TTC5: variants seen among roughly 807,000 people sequenced by gnomAD.
The protein encoded by TTC5 is tetratricopeptide repeat domain 5, also known as tetratricopeptide repeat protein 5.
In TTC5, 46 loss-of-function variants were observed where a neutral mutation model predicts 57.4. The ratio of observed to expected loss-of-function variants is 0.80; its 90% CI spans 0.63 to 1.03. The LOEUF (loss-of-function observed/expected upper bound fraction) is 1.03, where lower values mean the gene tolerates loss of function less well. TTC5 is among the 50% of genes least tolerant of loss of function. The pLI is 0.00. For missense variants in TTC5, 504 were observed against 528.1 expected (o/e 0.95, Z 0.45); for synonymous variants, 190 against 203.5 (o/e 0.93, Z 0.57).
intron 9 of TTC5, among the ~76,000 whole-genome samples, chr14:20,290,316 T>TATTAAATAG (rs1881928119): frequency 6.6e-6 from 1 of 152,198 alleles, no homozygotes; most frequent in Non-Finnish European, 1.5e-5. Flanking sequence ...TTGTAAAACA[T>TATTAAATAG]ATTAAATAGT....
chr14:20,295,198 C>T (rs1882033902), intron 8 of TTC5, 114 bp downstream of exon 8: 1 of 924,264 alleles, frequency 1.1e-6, no homozygotes, highest in East Asian at 2.6e-5. Flanking sequence ...AGAAGGAAAT[C>T]AGAAGTCACA....
At position 20,301,733 on chromosome 14, in the gene TTC5, A is replaced by C; in HGVS notation, c.184+100T>G. The stretch of plus-strand genomic sequence containing the variant: ...GTAGTATTACGTTGTACTACCCTAT[A>C]GCAGTAACAGATAGGATACCAAAGA... On this transcript the variant is annotated intron_variant, in intron 2 of 9. Coordinates refer to ENST00000258821, the MANE Select transcript of TTC5 (RefSeq NM_138376.3). 2.7e-6 allele frequency: 4 copies of C among 1,462,090 alleles called. No homozygotes were observed. The South Asian group carries it at 5.0e-5, about 18-fold the overall frequency. The allele number at this position is 1,462,090 out of a possible 1,614,324, so 90.6% of individuals were successfully genotyped here. A position where few individuals can be genotyped will look rare whatever the true frequency, so the allele number is the denominator to read the frequency against.
rs186359895 is a variant in TTC5, at chr14:20,291,274, T to C, written c.1203+709A>G. Among the ~76,000 whole-genome samples the C allele has an allele frequency of 3.7e-3, 563 of 152,248 alleles. 3 individuals carry two copies. Among genetic ancestry groups the C allele is most frequent in the Non-Finnish European group, 5.2e-3 (352 of 68,012 alleles). On this transcript the variant is annotated intron_variant, in intron 9 of 9. Coordinates refer to ENST00000258821, the MANE Select transcript of TTC5 (RefSeq NM_138376.3). ...GGTCTCACTATATAGCCCAGGCTGG[T>C]CTTAAACTCCTGGGCTCAAGTGATC... is the stretch of plus-strand genomic sequence containing the variant.
At position 20,286,385 on chromosome 14, in the gene TTC5, A is replaced by C. The variant is rs1481492125; in HGVS notation, c.*3242T>G. ...AGGAATGGACAAAGAAATGTAATTT[A>C]TGCCTACTATGTGATATTTTATAAT... On this transcript the variant is annotated 3_prime_UTR_variant, in exon 10 of 10. Transcript: ENST00000258821. The C allele has an allele frequency of 1.3e-5, 2 of 152,178 alleles. No individual in the cohort carries two copies. The highest frequency in any genetic ancestry group is 2.9e-5 in the Non-Finnish European group (2 of 68,030). The allele number at this position is 152,178 out of a possible 1,614,324, so 9.4% of individuals were successfully genotyped here.
rs2138805718 is a variant in TTC5 at position 20,291,993 on chromosome 14, T to C, written c.1193A>G (p.His398Arg). The change falls in exon 9 of 10, where the codon CAC becomes CGC. Residue 398 changes from histidine to arginine, a missense_variant. Transcript: ENST00000258821. ...CTAGCCATTGCTCACCTTTCCTTTG[T>C]GCTGAATTCGGTGAAGCCGCAGGTT... ...EPNLRLHRIQ[H>R]KGKDYSFSSV... 6.3e-7 allele frequency: 1 copy of C among 1,589,340 alleles called. No individual in the cohort carries two copies. Among genetic ancestry groups the C allele is most frequent in the Non-Finnish European group, 8.6e-7 (1 of 1,168,582 alleles).
intron 9 of TTC5, among the ~76,000 whole-genome samples, chr14:20,290,890 T>G (rs1881939422): frequency 6.6e-6 from 1 of 152,212 alleles, no homozygotes; most frequent in African/African-American, 2.4e-5. Flanking sequence ...TCTGACACTA[T>G]AGTGCAAAAA....
intron 5 of TTC5, among the ~76,000 whole-genome samples, chr14:20,298,593 G>A (rs1055986961): frequency 2.1e-5 from 3 of 144,868 alleles, no homozygotes; most frequent in East Asian, 2.1e-4. Flanking sequence ...GCACCAATGC[G>A]ACACGATGCA....
In TTC5 at chr14:20,300,823, G is replaced by A. The variant is rs774035330; in HGVS notation, c.185-5C>T. The A allele has an allele frequency of 2.9e-5, 45 of 1,578,352 alleles. No individual in the cohort carries two copies. In the African/African-American group the frequency reaches 4.0e-4, roughly 14 times the overall value. On this transcript the variant is annotated splice_polypyrimidine_tract_variant and splice_region_variant and intron_variant, in intron 2 of 9. Transcript: ENST00000258821. ...GTGCCTTGCCCTGGACAGAACCTAA[G>A]AGGAAGAAAAAAAGATAAAGTGGGA...
chr14:20,292,166 A>C, intron 8 of TTC5, 39 bp from the exon 9 acceptor site: 2 of 1,436,694 alleles, frequency 1.4e-6, no homozygotes, highest in Non-Finnish European at 1.8e-6. Context: ...GGAAAACAAA[A>C]AGGTATGTGG....
intron 8 of TTC5, 123 bp downstream of exon 8, chr14:20,295,189 G>C: frequency 1.2e-6 from 1 of 846,410 alleles, no homozygotes; most frequent in East Asian, 2.6e-5. Context: ...GATAGTCACA[G>C]AAGGAAATCA....
intron 6 of TTC5, 109 bp from the exon 7 acceptor site, chr14:20,295,963 AT>A: frequency 8.6e-7 from 1 of 1,163,086 alleles, no homozygotes; most frequent in Non-Finnish European, 1.2e-6. Context: ...CTTCCTGGTT[AT>A]TTTCCTGTGC....
intron 6 of TTC5, 133 bp downstream of exon 6, chr14:20,296,257 T>G (rs1479411099): frequency 1.3e-6 from 1 of 768,654 alleles, no homozygotes; most frequent in Non-Finnish European, 2.3e-6. Flanking sequence ...TAGCTATTTA[T>G]AGAAATAGCA....
At chr14:20,297,242 G>A (rs928459748) in intron 5 of TTC5, among the ~76,000 whole-genome samples, 1 of 152,052 alleles carries the variant, frequency 6.6e-6, no homozygotes, top group Admixed American at 6.5e-5. Context: ...AAAATAGATG[G>A]CCAGGAAAAG....
At chr14:20,292,874 A>G (rs1444035930) in intron 8 of TTC5, 1 of 152,200 alleles carries the variant, frequency 6.6e-6, no homozygotes, top group African/African-American at 2.4e-5. Flanking sequence ...TTAAAAGAGA[A>G]AAATTAATCC....
At chr14:20,292,364 C>T (rs1881972655) in intron 8 of TTC5, 1 of 241,930 alleles carries the variant, frequency 4.1e-6, no homozygotes, top group East Asian at 7.5e-5. Context: ...CCATCTTCCA[C>T]TTTATATATC....
rs115181089 is a variant in TTC5 at position 20,289,374 on chromosome 14, T to C, written c.*253A>G. On this transcript the variant is annotated 3_prime_UTR_variant, in exon 10 of 10. Coordinates refer to ENST00000258821, the MANE Select transcript of TTC5 (RefSeq NM_138376.3). ...AAGACTTCTACCAATTCCATGCTCT[T>C]TGCTTAAAACATAGAGAGCAGTGGA... 281 of 312,352 alleles carry C rather than the reference T, an allele frequency of 9.0e-4. 1 individual carries two copies. Among genetic ancestry groups the C allele is most frequent in the African/African-American group, 5.6e-3 (268 of 48,064 alleles). 19.3% of individuals were successfully genotyped at this position (312,352 alleles called of 1,614,324 possible).
chr14:20,299,968 A>G (rs955359367), intron 3 of TTC5, among the ~76,000 whole-genome samples: 3 of 150,780 alleles, frequency 2.0e-5, no homozygotes, highest in Non-Finnish European at 3.0e-5. Context: ...CCTCCTGAGT[A>G]ACTGGGATTA....
At chr14:20,303,404 G>A (rs912005623) in intron 1 of TTC5, among the ~76,000 whole-genome samples, 3 of 152,080 alleles carry the variant, frequency 2.0e-5, no homozygotes, top group South Asian at 2.1e-4. Flanking sequence ...AAAAAACTTC[G>A]AGTCCTAAGC....
At chr14:20,293,120 A>T (rs1693732920) in intron 8 of TTC5, 1 of 152,252 alleles carries the variant, frequency 6.6e-6, no homozygotes, top group South Asian at 2.1e-4. Flanking sequence ...ACTGCATGCT[A>T]AAGTATGTAA....
Sources: allele counts gnomAD v4.1 joint callset (sites outside exome capture counted in the v4.1 genomes callset), GRCh38; gene constraint gnomAD v4.1.1; transcripts MANE v1.5; gene names NCBI Gene and HGNC (gene_info 2026-07-23, HGNC 2026-07-21).